The following NAA11 variants were observed in gnomAD, a reference collection of about 807,000 sequenced individuals.
NAA11 encodes the protein N-alpha-acetyltransferase 11, NatA catalytic subunit, also known as N-alpha-acetyltransferase 11.
Under a neutral mutation model 16.1 loss-of-function variants are expected in NAA11, and 15 were observed. The ratio of observed to expected loss-of-function variants is 0.93; its 90% CI spans 0.62 to 1.44. The LOEUF (loss-of-function observed/expected upper bound fraction) is 1.44. NAA11 is among the 40% of genes most tolerant of loss of function. The probability of loss-of-function intolerance (pLI) is 0.00; values close to 1 mark genes in which losing one functional copy is unlikely to be tolerated. For synonymous variants in NAA11, 122 were observed against 112.4 expected (o/e 1.09, Z -0.54); for missense variants, 298 against 291.3 (o/e 1.02, Z -0.17).
intron 2 of NAA11, among the ~76,000 whole-genome samples, chr4:79,253,997 C>G (rs936208913): frequency 1.3e-5 from 2 of 152,182 alleles, no homozygotes; most frequent in African/African-American, 4.8e-5. Context: ...AATAACTTCA[C>G]AGGGCATGCT....
chr4:79,270,022 G>A (rs560958010), intron 2 of NAA11, among the ~76,000 whole-genome samples: 8 of 148,342 alleles, frequency 5.4e-5, no homozygotes, highest in African/African-American at 1.7e-4. Context: ...GTAGGTATGC[G>A]GCGTTATTTC....
chr4:79,221,784 T>G (rs1721192557), downstream of NAA11, among the ~76,000 whole-genome samples: 1 of 131,596 alleles, frequency 7.6e-6, no homozygotes, highest in Non-Finnish European at 1.7e-5. Context: ...TGCCAGTATT[T>G]TATTGAGGAT....
intron 2 of NAA11, among the ~76,000 whole-genome samples, chr4:79,230,655 T>C (rs1242298984): frequency 1.3e-5 from 2 of 152,016 alleles, no homozygotes; most frequent in Non-Finnish European, 2.9e-5. Context: ...CAGAGACTGC[T>C]GCCCTGACAT....
the NAA11 span, among the ~76,000 whole-genome samples, chr4:79,206,409 T>A: frequency 2.0e-5 from 3 of 152,118 alleles, no homozygotes; most frequent in Non-Finnish European, 4.4e-5. Flanking sequence ...AATAGTAACT[T>A]CTCTTAGAAG....
At chr4:79,196,841 C>T in the NAA11 span, among the ~76,000 whole-genome samples, 1 of 148,314 alleles carries the variant, frequency 6.7e-6, no homozygotes, top group Non-Finnish European at 1.5e-5. Flanking sequence ...AAGGGAGAAA[C>T]AGAAGAGTGT....
At chr4:79,270,646 C>T (rs1245452748) in intron 2 of NAA11, among the ~76,000 whole-genome samples, 5 of 105,902 alleles carry the variant, frequency 4.7e-5, no homozygotes, top group Non-Finnish European at 7.5e-5. Context: ...ACTGGCAAAA[C>T]GAATCCAGCA....
At chr4:79,318,695 G>GAGGAACAGGTCAGAAAGA (rs1319657249) in intron 1 of NAA11, among the ~76,000 whole-genome samples, 1 of 152,162 alleles carries the variant, frequency 6.6e-6, no homozygotes. Context: ...ACAAGATATG[G>GAGGAACAGGTCAGAAAGA]AGGAACAGGT....
At chr4:79,225,247 A>G (rs1721284129), downstream of NAA11, among the ~76,000 whole-genome samples, 1 of 152,080 alleles carries the variant, frequency 6.6e-6, no homozygotes, top group African/African-American at 2.4e-5. Context: ...AACCATTAAA[A>G]AAATAAGTTT....
intron 2 of NAA11, among the ~76,000 whole-genome samples, chr4:79,277,600 C>T (rs941014524): frequency 6.6e-6 from 1 of 152,022 alleles, no homozygotes; most frequent in Non-Finnish European, 1.5e-5. Context: ...TGATTACCTA[C>T]TCCACCCTGA....
downstream of NAA11, among the ~76,000 whole-genome samples, chr4:79,314,641 TAAAA>T (rs375245497): frequency 2.4e-4 from 24 of 98,062 alleles, no homozygotes; most frequent in East Asian, 6.8e-4. Flanking sequence ...TCCTTAAAAT[TAAAA>T]AAAAAAAAAA....
At chr4:79,321,332 A>T in intron 1 of NAA11, among the ~76,000 whole-genome samples, 1 of 152,226 alleles carries the variant, frequency 6.6e-6, no homozygotes. Context: ...TTTCCTGAGC[A>T]CAAAGCTAAA....
At chr4:79,213,241 G>A in the NAA11 span, among the ~76,000 whole-genome samples, 2 of 152,120 alleles carry the variant, frequency 1.3e-5, no homozygotes, top group East Asian at 3.9e-4. Flanking sequence ...AGCTTCAGGG[G>A]TTCAGTTATT....
At chr4:79,225,661 A>T (rs1721292388), downstream of NAA11, 1 of 152,098 alleles carries the variant, frequency 6.6e-6, no homozygotes. Context: ...GAGCCAGGTC[A>T]CATTTTCTGG....
the NAA11 span, among the ~76,000 whole-genome samples, chr4:79,171,882 T>C: frequency 6.6e-6 from 1 of 152,138 alleles, no homozygotes; most frequent in African/African-American, 2.4e-5. Flanking sequence ...CAAATAACAT[T>C]TGGTTGATCT....
the NAA11 span, among the ~76,000 whole-genome samples, chr4:79,157,792 A>G: frequency 6.6e-6 from 1 of 152,048 alleles, no homozygotes; most frequent in African/African-American, 2.4e-5. Flanking sequence ...CACCACTTGT[A>G]TTTAACATAG....
chr4:79,228,322 T>C (rs1182518716), intron 2 of NAA11, among the ~76,000 whole-genome samples: 1 of 152,056 alleles, frequency 6.6e-6, no homozygotes, highest in Non-Finnish European at 1.5e-5. Flanking sequence ...ATTTTTGTTT[T>C]TAAGAATTTG....
the NAA11 span, among the ~76,000 whole-genome samples, chr4:79,162,574 C>T: frequency 6.6e-6 from 1 of 152,166 alleles, no homozygotes; most frequent in Admixed American, 6.5e-5. Flanking sequence ...TTATTTTATG[C>T]TGTCCACAAA....
the NAA11 span, among the ~76,000 whole-genome samples, chr4:79,158,874 T>A: frequency 6.6e-6 from 1 of 151,918 alleles, no homozygotes; most frequent in Non-Finnish European, 1.5e-5. Flanking sequence ...AAGCACACCC[T>A]ATTCAACAAA....
chr4:79,156,229 T>C, the NAA11 span, among the ~76,000 whole-genome samples: 2 of 152,122 alleles, frequency 1.3e-5, no homozygotes, highest in Non-Finnish European at 2.9e-5. Context: ...TATGCTGAAA[T>C]TGGTGGAGAT....
Sources: gnomAD v4.1 joint callset for allele counts (sites outside exome capture counted in the v4.1 genomes callset) on GRCh38, gnomAD v4.1.1 for gene constraint, MANE v1.5 for transcripts, NCBI Gene and HGNC (gene_info 2026-07-23, HGNC 2026-07-21) for gene names.